GCNT1: variants seen among roughly 807,000 people sequenced by gnomAD.
GCNT1 encodes beta-1,3-galactosyl-O-glycosyl-glycoprotein beta-1,6-N-acetylglucosaminyltransferase.
In GCNT1, 16 loss-of-function variants were observed where a neutral mutation model predicts 26.2. The observed-to-expected ratio is 0.61, with a 90% CI of 0.41 to 0.93. The LOEUF is 0.93. Ranked by LOEUF, GCNT1 falls within the 40% of genes least tolerant of loss-of-function variation. The pLI is 0.00. For missense variants in GCNT1, 477 were observed against 526.7 expected (o/e 0.91, Z 0.92); for synonymous variants, 183 against 190.8 (o/e 0.96, Z 0.34).
At chr9:76,486,881 G>A (rs927846871) in intron 2 of GCNT1, among the ~76,000 whole-genome samples, 5 of 152,054 alleles carry the variant, frequency 3.3e-5, no homozygotes, top group Admixed American at 6.6e-5. Flanking sequence ...TTCGAGACCA[G>A]CCTGGCCACA....
At chr9:76,394,230 G>A in the GCNT1 span, 3 of 1,512,286 alleles carry the variant, frequency 2.0e-6, no homozygotes, top group Non-Finnish European at 2.7e-6. Context: ...CGGAGCCGCC[G>A]TCGACGCGGC....
intron 1 of GCNT1, among the ~76,000 whole-genome samples, chr9:76,427,016 CTG>C (rs1446266235): frequency 3.3e-5 from 5 of 152,174 alleles, no homozygotes; most frequent in Non-Finnish European, 7.3e-5. Flanking sequence ...TCAGAATTGA[CTG>C]TGTTAGTTAA....
In GCNT1 at chr9:76,497,492, G is replaced by C. The variant is rs549170406; in HGVS notation, c.-289-3424G>C. ...TCAAAAGCATTTTTGACAAAGTAAT[G>C]CTTTCTCACATATTTAGCTTCTTTA... On this transcript the variant is annotated intron_variant, in intron 2 of 3. Transcript: ENST00000376730. Among the ~76,000 whole-genome samples, 20 of 152,238 alleles carry C rather than the reference G, an allele frequency of 1.3e-4. No individual in the cohort carries two copies. In the South Asian group the frequency reaches 3.9e-3, roughly 30 times the overall value.
At chr9:76,492,247 T>G (rs1056631597) in intron 2 of GCNT1, among the ~76,000 whole-genome samples, 1 of 152,090 alleles carries the variant, frequency 6.6e-6, no homozygotes, top group Non-Finnish European at 1.5e-5. Flanking sequence ...AACAAATGGG[T>G]AACTTGTTCC....
Position 76,502,901 on chromosome 9 carries a change from A to G in GCNT1, c.520A>G (p.Ser174Gly), listed in dbSNP as rs762732983. 1.9e-6 allele frequency: 3 copies of G among 1,613,694 alleles called. No individual in the cohort carries two copies. The East Asian group carries it at 6.7e-5, about 36-fold the overall frequency. ...AGTGATGGGCATCGCTTCCTGTTTTAGTAATGTCTTTGTGGCCAGCCGATT... is the reference window on the plus strand; with the variant it reads ...AGTGATGGGCATCGCTTCCTGTTTTGGTAATGTCTTTGTGGCCAGCCGATT... The part of the protein sequence containing the change: ...AAVMGIASCF[S>G]NVFVASRLES... Residue 174 changes from serine (S) to glycine (G), a missense_variant, in exon 4 of 4, where the codon AGT becomes GGT. Physicochemically the swap from Ser to Gly is moderately conservative, Grantham distance 56. Transcript: ENST00000376730.
At chr9:76,425,436 T>G (rs1434677635) in intron 1 of GCNT1, among the ~76,000 whole-genome samples, 1 of 152,070 alleles carries the variant, frequency 6.6e-6, no homozygotes, top group Non-Finnish European at 1.5e-5. Flanking sequence ...TTGTCTAGGC[T>G]GGTCTTGAAC....
At position 76,469,570 on chromosome 9, in the gene GCNT1, C is replaced by T. The variant is rs575761347; in HGVS notation, c.-290+9393C>T. On this transcript the variant is annotated intron_variant, in intron 2 of 3. Transcript: ENST00000376730. ...CTTGCAACTGCACTCTCTTCTGGTC[C>T]GTGTTTGTTACGGCTTGAGCTGAGC... Among the ~76,000 whole-genome samples, 10 of 152,262 alleles carry T rather than the reference C, an allele frequency of 6.6e-5. No individual in the cohort carries two copies. The East Asian group carries it at 1.7e-3, about 26-fold the overall frequency.
chr9:76,500,378 A>C (rs1825031883), intron 2 of GCNT1, among the ~76,000 whole-genome samples: 1 of 152,206 alleles, frequency 6.6e-6, no homozygotes, highest in Admixed American at 6.5e-5. Context: ...AGTAAGGGGC[A>C]GGAATTACTT....
upstream of GCNT1, among the ~76,000 whole-genome samples, chr9:76,437,337 G>T: frequency 6.6e-6 from 1 of 152,106 alleles, no homozygotes; most frequent in East Asian, 1.9e-4. Context: ...AAAACAGTGT[G>T]CAGTAAAGAA....
intron 2 of GCNT1, among the ~76,000 whole-genome samples, chr9:76,461,385 G>A (rs1823867309): frequency 6.6e-6 from 1 of 152,120 alleles, no homozygotes; most frequent in African/African-American, 2.4e-5. Context: ...GAGGTCAGGA[G>A]TTCAAGACCA....
upstream of GCNT1, among the ~76,000 whole-genome samples, chr9:76,455,247 C>T (rs1823738655): frequency 6.6e-6 from 1 of 152,068 alleles, no homozygotes; most frequent in African/African-American, 2.4e-5. Context: ...TTCCAAATTC[C>T]AATGCTGGTT....
intron 1 of GCNT1, among the ~76,000 whole-genome samples, chr9:76,434,454 C>A (rs1823381710): frequency 6.6e-6 from 1 of 152,180 alleles, no homozygotes; most frequent in African/African-American, 2.4e-5. Context: ...ATTTCTTATG[C>A]CTGTCTTTAA....
At chr9:76,394,081 T>A in the GCNT1 span, 3 of 1,595,572 alleles carry the variant, frequency 1.9e-6, no homozygotes, top group Non-Finnish European at 2.6e-6. Context: ...CTGGCCGCCC[T>A]GCTCTCACCT....
chr9:76,490,193 T>C (rs985727743), intron 2 of GCNT1, among the ~76,000 whole-genome samples: 5 of 151,816 alleles, frequency 3.3e-5, no homozygotes, highest in African/African-American at 4.8e-5. Flanking sequence ...CTGGTTAGTA[T>C]AAAAGCAACA....
intron 1 of GCNT1, among the ~76,000 whole-genome samples, chr9:76,433,583 C>T (rs1204182042): frequency 4.6e-5 from 7 of 152,190 alleles, no homozygotes; most frequent in Non-Finnish European, 8.8e-5. Flanking sequence ...CTTGCCCACA[C>T]ACCCCCTCCT....
At chr9:76,435,022 G>T in intron 1 of GCNT1, among the ~76,000 whole-genome samples, 1 of 152,130 alleles carries the variant, frequency 6.6e-6, no homozygotes, top group Non-Finnish European at 1.5e-5. Flanking sequence ...AAGACAATAC[G>T]TGCACAGCTG....
chr9:76,490,343 C>G (rs1824697805), intron 2 of GCNT1, among the ~76,000 whole-genome samples: 1 of 152,076 alleles, frequency 6.6e-6, no homozygotes, highest in Admixed American at 6.6e-5. Context: ...TTTTTTATTT[C>G]TTGCAAACTG....
intron 1 of GCNT1, among the ~76,000 whole-genome samples, chr9:76,459,574 C>G (rs539574258): frequency 3.3e-4 from 50 of 152,326 alleles, no homozygotes; most frequent in African/African-American, 1.1e-3. Flanking sequence ...GGCCTCTTGC[C>G]CCTGGTCCGT....
chr9:76,469,513 T>C (rs1028047908), intron 2 of GCNT1, among the ~76,000 whole-genome samples: 1 of 152,184 alleles, frequency 6.6e-6, no homozygotes, highest in African/African-American at 2.4e-5. Context: ...CCCCTCCCTT[T>C]GTATGGGAGC....
Sources: allele counts gnomAD v4.1 joint callset (sites outside exome capture counted in the v4.1 genomes callset), GRCh38; gene constraint gnomAD v4.1.1; transcripts MANE v1.5; gene names NCBI Gene and HGNC (gene_info 2026-07-23, HGNC 2026-07-21).